The following AGMO variants were observed in gnomAD, a reference collection of about 807,000 sequenced individuals.
The protein encoded by AGMO is alkylglycerol monooxygenase.
In AGMO, 75 loss-of-function variants were observed where a neutral mutation model predicts 60.2. The ratio of observed to expected loss-of-function variants is 1.25; its 90% CI spans 1.03 to 1.51. The LOEUF (loss-of-function observed/expected upper bound fraction) is 1.51, where lower values mean the gene tolerates loss of function less well. AGMO is among the 40% of genes most tolerant of loss of function. The pLI, the probability that AGMO is intolerant of heterozygous loss-of-function variation, is 0.00. For synonymous variants in AGMO, 261 were observed against 177.1 expected (o/e 1.47, Z -3.76); for missense variants, 763 against 525.5 (o/e 1.45, Z -4.42).
At chr7:15,544,621 G>A (rs767072134) in intron 3 of AGMO, 151 bp downstream of exon 3, 5 of 646,506 alleles carry the variant, frequency 7.7e-6, no homozygotes, top group Non-Finnish European at 1.1e-5. Context: ...CACTTAAATT[G>A]CAAAGTAAAC....
At chr7:15,383,015 C>G (rs542744424) in intron 10 of AGMO, among the ~76,000 whole-genome samples, 2 of 151,682 alleles carry the variant, frequency 1.3e-5, no homozygotes, top group African/African-American at 4.8e-5. Context: ...TTTCAAGCCA[C>G]TCTGTTGTTC....
chr7:15,347,020 T>C (rs1782058212), intron 12 of AGMO, among the ~76,000 whole-genome samples: 2 of 152,036 alleles, frequency 1.3e-5, no homozygotes, highest in South Asian at 2.1e-4. Context: ...TTCTCTTCTA[T>C]ATCCATTTGA....
rs760223070 is a variant in AGMO at position 15,544,785 on chromosome 7, A to T, written c.396T>A (p.His132Gln). ...TTTGCAGCTTACCATGAGCCATACG[A>T]TGGAACCAGTAGTAGCCAAAGTCAA... ...LGVDFGYYWF[H>Q]RMAHEVNIMW... The change falls in exon 3 of 13, where the codon CAT becomes CAA. Residue 132 changes from histidine (H) to glutamine (Q), a missense_variant. Transcript: ENST00000342526. 2 of 1,599,762 alleles carry T rather than the reference A, an allele frequency of 1.3e-6. No individual in the cohort carries two copies. The highest frequency in any genetic ancestry group is 1.7e-6 in the Non-Finnish European group (2 of 1,173,736).
the AGMO span, among the ~76,000 whole-genome samples, chr7:15,117,977 T>C: frequency 2.5e-4 from 38 of 152,118 alleles, no homozygotes; most frequent in African/African-American, 7.9e-4. Context: ...AACAATGGCA[T>C]TGATTACAGA....
chr7:15,255,605 G>C (rs193102429), intron 12 of AGMO, among the ~76,000 whole-genome samples: 2 of 150,948 alleles, frequency 1.3e-5, no homozygotes, highest in Non-Finnish European at 2.9e-5. Context: ...ACAGATGCCG[G>C]AATTCTTAAC....
chr7:15,344,439 C>T (rs1384586855), intron 12 of AGMO, among the ~76,000 whole-genome samples: 1 of 152,100 alleles, frequency 6.6e-6, no homozygotes, highest in Non-Finnish European at 1.5e-5. Flanking sequence ...GTAGCTCACT[C>T]CTGTAATGCC....
chr7:15,358,858 T>C (rs1782643924), intron 12 of AGMO, among the ~76,000 whole-genome samples: 1 of 152,140 alleles, frequency 6.6e-6, no homozygotes, highest in Admixed American at 6.5e-5. Flanking sequence ...GTATTGGGGA[T>C]GATGACCTAA....
At chr7:15,133,383 A>G in the AGMO span, among the ~76,000 whole-genome samples, 1 of 152,206 alleles carries the variant, frequency 6.6e-6, no homozygotes, top group Non-Finnish European at 1.5e-5. Flanking sequence ...ATAAAGGAAG[A>G]TGGCAAAAGT....
At chr7:15,302,167 T>C (rs1376756151) in intron 12 of AGMO, among the ~76,000 whole-genome samples, 2 of 152,204 alleles carry the variant, frequency 1.3e-5, no homozygotes, top group East Asian at 1.9e-4. Flanking sequence ...TAATTGGTAC[T>C]TATTAGATTT....
At chr7:15,239,043 G>A (rs771171052) in intron 12 of AGMO, among the ~76,000 whole-genome samples, 5 of 152,112 alleles carry the variant, frequency 3.3e-5, no homozygotes, top group Non-Finnish European at 5.9e-5. Context: ...CCAAGGTCAT[G>A]AAGGTAGTAC....
At chr7:15,174,784 T>C in the AGMO span, among the ~76,000 whole-genome samples, 1 of 152,012 alleles carries the variant, frequency 6.6e-6, no homozygotes, top group South Asian at 2.1e-4. Context: ...TCCAAAAATA[T>C]TTTTTCTATG....
intron 10 of AGMO, among the ~76,000 whole-genome samples, chr7:15,384,957 G>A (rs1177443656): frequency 3.3e-5 from 5 of 150,512 alleles, no homozygotes; most frequent in African/African-American, 1.2e-4. Flanking sequence ...ACTAAATCCT[G>A]GTCTAGTGCT....
chr7:15,190,850 C>G, the AGMO span, among the ~76,000 whole-genome samples: 1 of 149,896 alleles, frequency 6.7e-6, no homozygotes, highest in African/African-American at 2.5e-5. Context: ...TTTTTTTTTT[C>G]ACTGAAGAAC....
chr7:15,250,591 T>C (rs1455976306), intron 12 of AGMO, among the ~76,000 whole-genome samples: 5 of 151,054 alleles, frequency 3.3e-5, no homozygotes. Context: ...ACACTCTGGT[T>C]TATATCACTA....
chr7:15,400,236 T>G (rs2128489399), intron 5 of AGMO, among the ~76,000 whole-genome samples: 1 of 152,270 alleles, frequency 6.6e-6, no homozygotes, highest in Middle Eastern at 3.4e-3. Flanking sequence ...CTCTTATTTC[T>G]TTACAGCAGC....
At chr7:15,357,189 T>G (rs1782568093) in intron 12 of AGMO, among the ~76,000 whole-genome samples, 1 of 87,158 alleles carries the variant, frequency 1.1e-5, no homozygotes, top group Admixed American at 1.1e-4. Context: ...CTATGAATAT[T>G]CGTGTGTGTG....
the AGMO span, among the ~76,000 whole-genome samples, chr7:15,125,122 C>T: frequency 6.6e-6 from 1 of 152,086 alleles, no homozygotes; most frequent in East Asian, 1.9e-4. Flanking sequence ...GCATCCAAAA[C>T]CAAGATACCT....
At chr7:15,136,151 G>A in the AGMO span, among the ~76,000 whole-genome samples, 3 of 151,604 alleles carry the variant, frequency 2.0e-5, no homozygotes, top group Non-Finnish European at 4.4e-5. Flanking sequence ...GTGCCACCAC[G>A]CCAGGCTAAA....
intron 3 of AGMO, among the ~76,000 whole-genome samples, chr7:15,432,108 G>T (rs975496621): frequency 2.0e-5 from 3 of 151,566 alleles, no homozygotes; most frequent in Non-Finnish European, 4.4e-5. Flanking sequence ...AATGGAATTA[G>T]CTATGTGACA....
Sources: gnomAD v4.1 joint callset for allele counts (sites outside exome capture counted in the v4.1 genomes callset) on GRCh38, gnomAD v4.1.1 for gene constraint, MANE v1.5 for transcripts, NCBI Gene and HGNC (gene_info 2026-07-23, HGNC 2026-07-21) for gene names.